TRAF3IP1: variants seen among roughly 807,000 people sequenced by gnomAD.
The protein encoded by TRAF3IP1 is intraflagellar transport 54.
A neutral mutation model predicts 89.9 loss-of-function variants in TRAF3IP1; 53 were observed. The ratio of observed to expected loss-of-function variants is 0.59; its 90% CI spans 0.47 to 0.74. The LOEUF is 0.74. Ranked by LOEUF, TRAF3IP1 falls within the 30% of genes least tolerant of loss-of-function variation. TRAF3IP1 has a pLI of 0.00. For synonymous variants in TRAF3IP1, 311 were observed against 322.1 expected (o/e 0.97, Z 0.37); for missense variants, 806 against 866.1 (o/e 0.93, Z 0.87).
intron 12 of TRAF3IP1, among the ~76,000 whole-genome samples, chr2:238,352,532 C>A (rs73999912): frequency 1.3e-5 from 2 of 151,702 alleles, no homozygotes; most frequent in Non-Finnish European, 1.5e-5. Flanking sequence ...GAGGGCATGA[C>A]GAGGCTGTGG....
At chr2:238,342,210 A>G (rs908748427) in intron 8 of TRAF3IP1, among the ~76,000 whole-genome samples, 1 of 152,018 alleles carries the variant, frequency 6.6e-6, no homozygotes, top group Non-Finnish European at 1.5e-5. Context: ...ACTGGTCTCA[A>G]ACTCCTGAGC....
chr2:238,379,604 G>A lies in TRAF3IP1; in HGVS notation c.1690-17855G>A, dbSNP rs192925798. ...AATTCTGTGACACGTGTTTTCTGCC[G>A]AGGACCTCTGACCTCATGGCCACTT... On this transcript the variant is annotated intron_variant, in intron 15 of 16. Transcript: ENST00000373327. The surrounding 1 kb of genome is among the most constrained non-coding windows in gnomAD (Gnocchi z 4.0). Among the ~76,000 whole-genome samples, 7 of 152,294 alleles carry A rather than the reference G, an allele frequency of 4.6e-5. No homozygotes were observed. Among genetic ancestry groups the A allele is most frequent in the East Asian group, 1.9e-4 (1 of 5,188 alleles).
chr2:238,344,930 C>T (rs1698824620), intron 9 of TRAF3IP1, among the ~76,000 whole-genome samples: 2 of 152,150 alleles, frequency 1.3e-5, no homozygotes, highest in Non-Finnish European at 1.5e-5. Context: ...GTGTACCCCC[C>T]AGACTTCATG....
At chr2:238,386,167 G>A (rs1013688876) in intron 15 of TRAF3IP1, among the ~76,000 whole-genome samples, 1 of 152,200 alleles carries the variant, frequency 6.6e-6, no homozygotes, top group Non-Finnish European at 1.5e-5. Context: ...GAGCTGGCAA[G>A]CTGGGATTGG....
rs2106391390 is a variant in TRAF3IP1, at chr2:238,400,856, T to G, written c.*1937T>G. On this transcript the variant is annotated 3_prime_UTR_variant, in exon 17 of 17. Coordinates refer to ENST00000373327, the MANE Select transcript of TRAF3IP1 (RefSeq NM_015650.4). ...AATTGTATCATAAAGTTTATTTTTC[T>G]TTTATACGTAAATCATTAAAAATAA... is the stretch of plus-strand genomic sequence containing the variant. The G allele has an allele frequency of 6.6e-6, 1 of 152,364 alleles. No homozygotes were observed. Among genetic ancestry groups the G allele is most frequent in the Non-Finnish European group, 1.5e-5 (1 of 68,024 alleles). 9.4% of individuals were successfully genotyped at this position (152,364 alleles called of 1,614,324 possible).
chr2:238,331,014 G>A (rs1698095194), intron 5 of TRAF3IP1, among the ~76,000 whole-genome samples: 2 of 152,002 alleles, frequency 1.3e-5, no homozygotes, highest in South Asian at 2.1e-4. Flanking sequence ...TAGTATATTC[G>A]GGTGTATTTT....
chr2:238,363,777 C>T (rs1033950747), intron 15 of TRAF3IP1, among the ~76,000 whole-genome samples: 1 of 152,066 alleles, frequency 6.6e-6, no homozygotes, highest in Non-Finnish European at 1.5e-5. Context: ...CTGGCCAACA[C>T]AGTAAAACCC....
In TRAF3IP1 at chr2:238,340,697, G is replaced by A. The variant is rs141545830; in HGVS notation, c.1159+2240G>A. On this transcript the variant is annotated intron_variant, in intron 8 of 16. Transcript: ENST00000373327. Reference sequence around the variant, plus strand: ...TTCATTTTTGCTTACTTCTCTAACTGTTTCTATTGTGAAAAATATGGAAAA... The same window carrying A: ...TTCATTTTTGCTTACTTCTCTAACTATTTCTATTGTGAAAAATATGGAAAA... 1.7e-3 allele frequency among the ~76,000 whole-genome samples: 258 copies of A among 152,068 alleles called. 3 individuals are homozygous for A. Among genetic ancestry groups the A allele is most frequent in the African/African-American group, 6.0e-3 (247 of 41,470 alleles).
chr2:238,398,652 G>A lies in TRAF3IP1; in HGVS notation c.1911-102G>A, dbSNP rs1701348208. ...ATAAATATTATCCTTTTCTTTGGAT[G>A]AAACGAATAATTTACTTCTGTTGTC... On this transcript the variant is annotated intron_variant, in intron 16 of 16. Coordinates refer to ENST00000373327, the MANE Select transcript of TRAF3IP1 (RefSeq NM_015650.4). 1.0e-5 allele frequency: 13 copies of A among 1,282,502 alleles called. No individual in the cohort carries two copies. In the East Asian group the frequency reaches 3.3e-4, roughly 32 times the overall value. 79.4% of individuals were successfully genotyped at this position (1,282,502 alleles called of 1,614,324 possible).
intron 15 of TRAF3IP1, among the ~76,000 whole-genome samples, chr2:238,387,480 G>C (rs1451742395): frequency 1.3e-5 from 2 of 152,174 alleles, no homozygotes; most frequent in Non-Finnish European, 2.9e-5. Flanking sequence ...ATGAAAAATA[G>C]TTGATGTAAA....
intron 11 of TRAF3IP1, 128 bp from the exon 12 acceptor site, chr2:238,349,197 C>A: frequency 1.2e-6 from 1 of 837,256 alleles, no homozygotes; most frequent in Non-Finnish European, 1.9e-6. Context: ...TGCAGAGTAG[C>A]GTGTCCTAAC....
chr2:238,345,514 T>G lies in TRAF3IP1; in HGVS notation c.1261+916T>G, dbSNP rs1002275724. On this transcript the variant is annotated intron_variant, in intron 9 of 16. Coordinates refer to ENST00000373327, the MANE Select transcript of TRAF3IP1 (RefSeq NM_015650.4). This position sits in a 1 kb window ranked among gnomAD's most constrained non-coding sequence, Gnocchi z 4.7. ...GGTCCCTGTGCCAGCTTATGGAGTTTAGCCTTTATTGGAAGAGCAGCGGGA... is the reference window on the plus strand; with the variant it reads ...GGTCCCTGTGCCAGCTTATGGAGTTGAGCCTTTATTGGAAGAGCAGCGGGA... Among the ~76,000 whole-genome samples, 1 of 152,274 alleles carries G rather than the reference T, an allele frequency of 6.6e-6. No homozygotes were observed. The highest frequency in any genetic ancestry group is 2.4e-5 in the African/African-American group (1 of 41,470).
rs1400296196 is a variant in TRAF3IP1 at position 238,345,697 on chromosome 2, C to G, written c.1261+1099C>G. Among the ~76,000 whole-genome samples, 1 of 152,090 alleles carries G rather than the reference C, an allele frequency of 6.6e-6. No individual in the cohort carries two copies. The highest frequency in any genetic ancestry group is 2.4e-5 in the African/African-American group (1 of 41,406). Reference sequence around the variant, plus strand: ...GAGAAGTGGTAGGATTCCAGGGCTGCTGGCACGTGCTGGGGGAGCTGGCCT... The same window carrying G: ...GAGAAGTGGTAGGATTCCAGGGCTGGTGGCACGTGCTGGGGGAGCTGGCCT... On this transcript the variant is annotated intron_variant, in intron 9 of 16. Coordinates refer to ENST00000373327, the MANE Select transcript of TRAF3IP1 (RefSeq NM_015650.4). This position sits in a 1 kb window ranked among gnomAD's most constrained non-coding sequence, Gnocchi z 4.7.
At chr2:238,385,295 C>A (rs549562972) in intron 15 of TRAF3IP1, among the ~76,000 whole-genome samples, 324 of 152,292 alleles carry the variant, frequency 2.1e-3, no homozygotes, top group Non-Finnish European at 3.6e-3. Flanking sequence ...GGATTACAGG[C>A]GTGAACCGCT....
intron 8 of TRAF3IP1, among the ~76,000 whole-genome samples, chr2:238,340,028 C>G (rs1162544019): frequency 8.1e-6 from 1 of 123,766 alleles, no homozygotes; most frequent in Non-Finnish European, 1.6e-5. Flanking sequence ...TCCCGCTGTC[C>G]TTGGGTGGCA....
intron 2 of TRAF3IP1, 62 bp downstream of exon 2, chr2:238,325,436 G>A: frequency 6.5e-7 from 1 of 1,545,134 alleles, no homozygotes; most frequent in Non-Finnish European, 8.9e-7. Context: ...TTTTTTGTAG[G>A]CCTGGTAGTG....
intron 5 of TRAF3IP1, among the ~76,000 whole-genome samples, chr2:238,330,886 G>A (rs1261208025): frequency 6.6e-6 from 1 of 152,190 alleles, no homozygotes; most frequent in Admixed American, 6.5e-5. Context: ...CCTATGATAT[G>A]TGTCATACCT....
Position 238,339,723 on chromosome 2 carries a change from GGT to G in TRAF3IP1, c.1159+1268_1159+1269del, listed in dbSNP as rs143706312. 4.8e-3 allele frequency among the ~76,000 whole-genome samples: 737 copies of G among 152,370 alleles called. 5 individuals are homozygous for G. The highest frequency in any genetic ancestry group is 0.017 in the African/African-American group (712 of 41,588). On this transcript the variant is annotated intron_variant, in intron 8 of 16. Coordinates refer to ENST00000373327, the MANE Select transcript of TRAF3IP1 (RefSeq NM_015650.4). ...AGGGTGAACGAGGTGTCCATTAAGT[GGT>G]GGCTTGCCCCAGGCACGCCGCGGTC...
intron 15 of TRAF3IP1, among the ~76,000 whole-genome samples, chr2:238,377,230 C>CCTTTT (rs1700353742): frequency 1.2e-5 from 1 of 86,716 alleles, no homozygotes; most frequent in African/African-American, 4.7e-5. Flanking sequence ...TCCTGATTTT[C>CCTTTT]TTTTTTTTTT....
Sources: allele counts gnomAD v4.1 joint callset (sites outside exome capture counted in the v4.1 genomes callset), GRCh38; gene constraint gnomAD v4.1.1; non-coding constraint Gnocchi (gnomAD v3.1); transcripts MANE v1.5; gene names NCBI Gene and HGNC (gene_info 2026-07-23, HGNC 2026-07-21).